The following ACVR1B variants were observed in gnomAD, a reference collection of about 807,000 sequenced individuals.
The protein encoded by ACVR1B is activin A receptor type 1B.
In ACVR1B, 15 loss-of-function variants were observed where a neutral mutation model predicts 55.6. That is an observed-to-expected ratio of 0.27 (90% CI 0.18 to 0.42). ACVR1B has a LOEUF of 0.42. Ranked by LOEUF, ACVR1B falls within the 10% of genes least tolerant of loss-of-function variation. The probability of loss-of-function intolerance (pLI) is 1.00; values close to 1 mark genes in which losing one functional copy is unlikely to be tolerated. For missense variants in ACVR1B, 359 were observed against 670.1 expected (o/e 0.54, Z 5.13); for synonymous variants, 247 against 254.6 (o/e 0.97, Z 0.28).
chr12:51,971,834 G>A (rs1342996388), intron 1 of ACVR1B, among the ~76,000 whole-genome samples: 2 of 152,154 alleles, frequency 1.3e-5, no homozygotes, highest in Non-Finnish European at 2.9e-5. Flanking sequence ...AACATAGCTG[G>A]AAAGGATTTT....
At chr12:51,989,188 GA>G (rs562068986) in intron 7 of ACVR1B, among the ~76,000 whole-genome samples, 1 of 151,898 alleles carries the variant, frequency 6.6e-6, no homozygotes, top group East Asian at 1.9e-4. Flanking sequence ...CTACTTAAAA[GA>G]AAAAAAATTG....
chr12:51,963,096 T>A lies in ACVR1B; in HGVS notation c.91+11262T>A, dbSNP rs550521057. Among the ~76,000 whole-genome samples, 97 of 152,290 alleles carry A rather than the reference T, an allele frequency of 6.4e-4. 1 individual carries two copies. The highest frequency in any genetic ancestry group is 1.9e-3 in the African/African-American group (78 of 41,566). ...GTATATGTTGTTTGGCAAATAGGGA[T>A]TTATGGTAGTAATTTTAAATTGTAG... On this transcript the variant is annotated intron_variant, in intron 1 of 8. Coordinates refer to ENST00000257963, the MANE Select transcript of ACVR1B (RefSeq NM_004302.5).
At chr12:51,974,390 C>T (rs1040011853) in intron 1 of ACVR1B, among the ~76,000 whole-genome samples, 9 of 152,106 alleles carry the variant, frequency 5.9e-5, no homozygotes, top group South Asian at 2.1e-4. Context: ...CTTTCAGAGG[C>T]GCCAAATTCA....
chr12:51,979,466 C>CAAAA (rs11421560), intron 3 of ACVR1B, among the ~76,000 whole-genome samples: 1 of 117,778 alleles, frequency 8.5e-6, no homozygotes, highest in Non-Finnish European at 1.7e-5. Flanking sequence ...GACACCATCT[C>CAAAA]AAAAAAAAAA....
Position 51,951,710 on chromosome 12 carries a change from G to GGC in ACVR1B, c.-33_-32dup. The stretch of plus-strand genomic sequence containing the variant: ...CGCGCGCGCGCGCTGGGCGCTGCTG[G>GGC]GCTGCGGCGGCGGCGGCGGCGGCGG... On this transcript the variant is annotated 5_prime_UTR_variant, in exon 1 of 9. Coordinates refer to ENST00000257963, the MANE Select transcript of ACVR1B (RefSeq NM_004302.5). The GGC allele has an allele frequency of 9.5e-7, 1 of 1,048,878 alleles. No homozygotes were observed. Among genetic ancestry groups the GGC allele is most frequent in the Non-Finnish European group, 1.1e-6 (1 of 870,318 alleles). 65.0% of individuals were successfully genotyped at this position (1,048,878 alleles called of 1,614,324 possible). A position where few individuals can be genotyped will look rare whatever the true frequency, so the allele number is the denominator to read the frequency against.
At chr12:51,982,415 C>T (rs562672347) in intron 4 of ACVR1B, among the ~76,000 whole-genome samples, 11 of 152,264 alleles carry the variant, frequency 7.2e-5, no homozygotes, top group Non-Finnish European at 1.5e-4. Context: ...CTGCTGTGGG[C>T]CAGACCTCTG....
At chr12:51,974,946 G>C (rs975466010) in intron 1 of ACVR1B, among the ~76,000 whole-genome samples, 6 of 152,138 alleles carry the variant, frequency 3.9e-5, no homozygotes, top group African/African-American at 1.4e-4. Context: ...TGCATGAAGT[G>C]GGGGGCAGCC....
intron 3 of ACVR1B, among the ~76,000 whole-genome samples, chr12:51,979,744 G>A (rs957730785): frequency 2.0e-5 from 3 of 152,102 alleles, no homozygotes; most frequent in East Asian, 3.9e-4. Context: ...TTCCATGTGG[G>A]AAATGAATGT....
intron 1 of ACVR1B, among the ~76,000 whole-genome samples, chr12:51,962,914 T>C (rs1941563436): frequency 6.6e-6 from 1 of 152,242 alleles, no homozygotes; most frequent in South Asian, 2.1e-4. Flanking sequence ...TGCCAGGTGC[T>C]GTACTAGATA....
chr12:51,974,614 C>G (rs1941811335), intron 1 of ACVR1B, among the ~76,000 whole-genome samples: 1 of 152,152 alleles, frequency 6.6e-6, no homozygotes, highest in South Asian at 2.1e-4. Context: ...AATGCATTAT[C>G]TCACTTAATT....
At chr12:51,992,283 T>C (rs1200092709) in intron 8 of ACVR1B, 5 of 463,136 alleles carry the variant, frequency 1.1e-5, no homozygotes, top group Non-Finnish European at 1.5e-5. Flanking sequence ...GGCAGGAAGA[T>C]AGCTTGAGCT....
chr12:51,960,794 C>A (rs1941505963), intron 1 of ACVR1B, among the ~76,000 whole-genome samples: 1 of 152,204 alleles, frequency 6.6e-6, no homozygotes, highest in Non-Finnish European at 1.5e-5. Context: ...GTTTTCCATC[C>A]TACGGCTAGA....
At chr12:51,969,563 T>G (rs1026966880) in intron 1 of ACVR1B, among the ~76,000 whole-genome samples, 1 of 152,186 alleles carries the variant, frequency 6.6e-6, no homozygotes, top group Non-Finnish European at 1.5e-5. Context: ...GGCAGTATGG[T>G]TTCTCTAAAG....
chr12:51,962,777 T>C (rs1407054392), intron 1 of ACVR1B, among the ~76,000 whole-genome samples: 1 of 152,214 alleles, frequency 6.6e-6, no homozygotes, highest in Non-Finnish European at 1.5e-5. Context: ...GTGGAACTCT[T>C]AAAAATGAAA....
intron 1 of ACVR1B, among the ~76,000 whole-genome samples, chr12:51,959,326 G>A (rs55715511): frequency 0.022 from 3,285 of 152,338 alleles, 125 homozygotes; most frequent in African/African-American, 0.071. Context: ...CAGCTGGCTT[G>A]GAAGCAAGCA....
At chr12:51,970,150 A>G (rs935308697) in intron 1 of ACVR1B, among the ~76,000 whole-genome samples, 1 of 152,140 alleles carries the variant, frequency 6.6e-6, no homozygotes, top group Non-Finnish European at 1.5e-5. Context: ...GAGTGATGTG[A>G]ATGATATTTG....
chr12:51,989,315 C>G (rs1410359130), intron 7 of ACVR1B, among the ~76,000 whole-genome samples: 1 of 151,966 alleles, frequency 6.6e-6, no homozygotes, highest in Admixed American at 6.6e-5. Flanking sequence ...GAGAGGGTTT[C>G]TCTTTGTCAC....
chr12:51,993,852 T>TCGGC (rs1942244408), intron 8 of ACVR1B, 133 bp from the exon 9 acceptor site: 2 of 798,530 alleles, frequency 2.5e-6, no homozygotes, highest in Non-Finnish European at 3.3e-6. Context: ...TTCCCTAAGG[T>TCGGC]CGGCCGCCGG....
chr12:51,966,608 C>T (rs1941644894), intron 1 of ACVR1B, among the ~76,000 whole-genome samples: 1 of 152,168 alleles, frequency 6.6e-6, no homozygotes, highest in South Asian at 2.1e-4. Flanking sequence ...GCCACCACAC[C>T]TAGCTGATAT....
Sources: allele counts gnomAD v4.1 joint callset (sites outside exome capture counted in the v4.1 genomes callset), GRCh38; gene constraint gnomAD v4.1.1; transcripts MANE v1.5; gene names NCBI Gene and HGNC (gene_info 2026-07-23, HGNC 2026-07-21).